The following OPCML variants were observed in gnomAD, a reference collection of about 807,000 sequenced individuals.
OPCML encodes the protein opioid-binding protein/cell adhesion molecule.
In OPCML, 13 loss-of-function variants were observed where a neutral mutation model predicts 37.8. The ratio of observed to expected loss-of-function variants is 0.34; its 90% CI spans 0.22 to 0.55. The LOEUF is 0.55. OPCML is among the 20% of genes least tolerant of loss of function. The probability of loss-of-function intolerance (pLI) is 0.91; values close to 1 mark genes in which losing one functional copy is unlikely to be tolerated. For synonymous variants in OPCML, 176 were observed against 168.8 expected, an observed-to-expected ratio of 1.04 and a Z score of -0.33; for missense variants, 341 against 435.6, an observed-to-expected ratio of 0.78 and a Z score of 1.93.
intron 2 of OPCML, among the ~76,000 whole-genome samples, chr11:132,877,785 A>G (rs1222284766): frequency 1.3e-5 from 2 of 152,198 alleles, no homozygotes; most frequent in Admixed American, 6.5e-5. Context: ...GCTTTTCCTC[A>G]AACAGACTGA....
At chr11:132,957,111 A>G (rs1037870458) in intron 1 of OPCML, among the ~76,000 whole-genome samples, 9 of 152,206 alleles carry the variant, frequency 5.9e-5, no homozygotes, top group Non-Finnish European at 1.3e-4. Context: ...AGTCTGGGCA[A>G]CAAAGCAAGA....
intron 2 of OPCML, among the ~76,000 whole-genome samples, chr11:132,696,534 A>T (rs1943605827): frequency 6.6e-6 from 1 of 152,216 alleles, no homozygotes; most frequent in Non-Finnish European, 1.5e-5. Flanking sequence ...TACTATGTAG[A>T]AGTAATTGTC....
intron 1 of OPCML, among the ~76,000 whole-genome samples, chr11:132,955,810 G>C (rs1434255523): frequency 6.6e-6 from 1 of 152,060 alleles, no homozygotes; most frequent in Non-Finnish European, 1.5e-5. Flanking sequence ...TGAACCCGGG[G>C]AGGCAGAGGT....
In OPCML at chr11:133,177,722, G is replaced by T. The variant is rs1012712059; in HGVS notation, c.62-234712C>A. ...AGTGGGTGGTACACTAAGGTCCACA[G>T]ATTTTTCTAGCTGCTCGAGCAAATG... is the stretch of plus-strand genomic sequence containing the variant. On this transcript the variant is annotated intron_variant, in intron 1 of 7. Coordinates refer to ENST00000524381, the MANE Select transcript of OPCML (RefSeq NM_001012393.5). This position sits in a 1 kb window ranked among gnomAD's most constrained non-coding sequence, Gnocchi z 5.0. Among the ~76,000 whole-genome samples the T allele has an allele frequency of 6.6e-6, 1 of 152,184 alleles. No homozygotes were observed. Among genetic ancestry groups the T allele is most frequent in the South Asian group, 2.1e-4 (1 of 4,826 alleles).
intron 1 of OPCML, among the ~76,000 whole-genome samples, chr11:133,430,498 ATC>A (rs1180061703): frequency 6.6e-6 from 1 of 152,224 alleles, no homozygotes; most frequent in African/African-American, 2.4e-5. Context: ...GTGAATAACT[ATC>A]TAATGTTGGG....
At chr11:133,268,243 A>T (rs1472649618) in intron 1 of OPCML, among the ~76,000 whole-genome samples, 1 of 152,156 alleles carries the variant, frequency 6.6e-6, no homozygotes, top group Non-Finnish European at 1.5e-5. Context: ...CAGTCACCAA[A>T]CAGTTGGATA....
intron 2 of OPCML, among the ~76,000 whole-genome samples, chr11:132,849,765 G>A (rs10791260): frequency 0.11 from 17,111 of 152,212 alleles, 2,045 homozygotes; most frequent in East Asian, 0.63. Context: ...AGCTGGCAAG[G>A]AAGGCAGAGT....
At chr11:133,372,220 G>A (rs1170466547) in intron 1 of OPCML, among the ~76,000 whole-genome samples, 3 of 152,124 alleles carry the variant, frequency 2.0e-5, no homozygotes, top group Admixed American at 6.6e-5. Context: ...TACTCAAAGC[G>A]ATGGTCACCC....
intron 1 of OPCML, among the ~76,000 whole-genome samples, chr11:133,288,307 G>T (rs917894270): frequency 6.6e-6 from 1 of 152,172 alleles, no homozygotes; most frequent in Non-Finnish European, 1.5e-5. Flanking sequence ...GGTTATGCTG[G>T]CCTGGAGGTA....
chr11:133,294,815 C>CTTTTTTTTTTTTTTTTTTTTTTTTTT (rs59382534), intron 1 of OPCML, among the ~76,000 whole-genome samples: 3 of 56,554 alleles, frequency 5.3e-5, no homozygotes, highest in Admixed American at 1.8e-4. Flanking sequence ...TTCTTTCTTT[C>CTTTTTTTTTTTTTTTTTTTTTTTTTT]TTTTTTTTTT....
intron 1 of OPCML, among the ~76,000 whole-genome samples, chr11:133,137,728 A>G: frequency 6.6e-6 from 1 of 152,186 alleles, no homozygotes; most frequent in African/African-American, 2.4e-5. Flanking sequence ...TCCTGGGAAA[A>G]AGAACCTAAA....
At chr11:133,178,443 A>G (rs1391354546) in intron 1 of OPCML, among the ~76,000 whole-genome samples, 1 of 151,940 alleles carries the variant, frequency 6.6e-6, no homozygotes, top group Non-Finnish European at 1.5e-5. Context: ...ATATGAATAT[A>G]TATATATATG....
intron 4 of OPCML, among the ~76,000 whole-genome samples, chr11:132,448,330 T>C (rs545305688): frequency 6.6e-6 from 1 of 152,340 alleles, no homozygotes; most frequent in South Asian, 2.1e-4. Context: ...TCAAAATACT[T>C]GTATTAGCTT....
chr11:133,001,674 G>A (rs1212297669), intron 1 of OPCML, among the ~76,000 whole-genome samples: 1 of 152,200 alleles, frequency 6.6e-6, no homozygotes, highest in East Asian at 1.9e-4. Context: ...AGCCTTCCTG[G>A]TGTACTTCAA....
intron 1 of OPCML, among the ~76,000 whole-genome samples, chr11:133,045,123 T>TG (rs1385040679): frequency 6.6e-6 from 1 of 152,172 alleles, no homozygotes; most frequent in East Asian, 1.9e-4. Context: ...ACCCAATCCC[T>TG]GCCCCTCACA....
At chr11:133,494,899 A>G (rs977438597) in intron 1 of OPCML, among the ~76,000 whole-genome samples, 1 of 152,046 alleles carries the variant, frequency 6.6e-6, no homozygotes, top group Non-Finnish European at 1.5e-5. Context: ...ATAAAATAAA[A>G]TAAAAGTTTT....
chr11:133,271,925 T>G (rs1164649630), intron 1 of OPCML, among the ~76,000 whole-genome samples: 1 of 152,204 alleles, frequency 6.6e-6, no homozygotes, highest in Non-Finnish European at 1.5e-5. Flanking sequence ...CCTGCATCTG[T>G]GATGCTCAGA....
At chr11:132,706,328 A>AT (rs1944034218) in intron 2 of OPCML, among the ~76,000 whole-genome samples, 1 of 152,008 alleles carries the variant, frequency 6.6e-6, no homozygotes, top group South Asian at 2.1e-4. Context: ...TCTCTCTCAT[A>AT]TTTTTCTGAA....
At chr11:132,583,734 C>T (rs558995009) in intron 3 of OPCML, among the ~76,000 whole-genome samples, 1 of 152,268 alleles carries the variant, frequency 6.6e-6, no homozygotes, top group South Asian at 2.1e-4. Flanking sequence ...TTGCCCCAGC[C>T]TCCCAAGTAG....
Sources: allele counts gnomAD v4.1 joint callset (sites outside exome capture counted in the v4.1 genomes callset), GRCh38; gene constraint gnomAD v4.1.1; non-coding constraint Gnocchi (gnomAD v3.1); transcripts MANE v1.5; gene names NCBI Gene and HGNC (gene_info 2026-07-23, HGNC 2026-07-21).